The following KLF9 variants were observed in gnomAD, a reference collection of about 807,000 sequenced individuals.
The protein encoded by KLF9 is Krueppel-like factor 9.
KLF9 carries 2 observed loss-of-function variants against 17.3 expected under a neutral mutation model. That is an observed-to-expected ratio of 0.12 (90% CI 0.05 to 0.36). KLF9 has a LOEUF of 0.36. Among genes scored for constraint, KLF9 ranks in the 10% least tolerant of loss-of-function variants. KLF9 has a pLI of 1.00. For missense variants in KLF9, 226 were observed against 333.2 expected (o/e 0.68, Z 2.51); for synonymous variants, 138 against 139.2 (o/e 0.99, Z 0.06).
At chr9:70,399,910 T>C (rs1400071162) in intron 1 of KLF9, among the ~76,000 whole-genome samples, 1 of 152,162 alleles carries the variant, frequency 6.6e-6, no homozygotes, top group East Asian at 1.9e-4. Flanking sequence ...CCTAAGTCCT[T>C]GAGCTTAAAA....
intron 1 of KLF9, among the ~76,000 whole-genome samples, chr9:70,390,524 A>G (rs141178210): frequency 4.1e-4 from 62 of 152,328 alleles, no homozygotes; most frequent in African/African-American, 1.5e-3. Context: ...AAGTCAAAAT[A>G]CAGATTGTTA....
intron 1 of KLF9, among the ~76,000 whole-genome samples, chr9:70,404,152 T>C (rs1447595021): frequency 6.6e-6 from 1 of 152,212 alleles, no homozygotes; most frequent in African/African-American, 2.4e-5. Context: ...TGAGTTTAAA[T>C]GTGACAATGC....
chr9:70,395,754 G>C (rs949471337), intron 1 of KLF9, among the ~76,000 whole-genome samples: 2 of 151,976 alleles, frequency 1.3e-5, no homozygotes, highest in African/African-American at 4.8e-5. Context: ...GACCAGCCTG[G>C]GTAACATGGC....
chr9:70,410,527 G>A (rs2037304153), intron 1 of KLF9, among the ~76,000 whole-genome samples: 1 of 152,254 alleles, frequency 6.6e-6, no homozygotes, highest in South Asian at 2.1e-4. Context: ...TAAAGCTGGT[G>A]TAGAAGTGGT....
rs1219040767 is a variant in KLF9 at position 70,413,400 on chromosome 9, C to T, written c.-37G>A. 2 of 1,457,774 alleles carry T rather than the reference C, an allele frequency of 1.4e-6. No individual in the cohort carries two copies. The highest frequency in any genetic ancestry group is 2.5e-5 in the Admixed American group (1 of 40,218). 90.3% of individuals were successfully genotyped at this position (1,457,774 alleles called of 1,614,324 possible). On this transcript the variant is annotated 5_prime_UTR_variant, in exon 1 of 2. Coordinates refer to ENST00000377126, the MANE Select transcript of KLF9 (RefSeq NM_001206.4). This position sits in a 1 kb window ranked among gnomAD's most constrained non-coding sequence, Gnocchi z 5.6. ...CGGCAGCCCAGGCGGCGCGGACAAA[C>T]TTGGCGGTGGCTGCGGAGGTTCGGC...
chr9:70,403,443 T>A (rs1220611457), intron 1 of KLF9, among the ~76,000 whole-genome samples: 1 of 152,074 alleles, frequency 6.6e-6, no homozygotes, highest in Non-Finnish European at 1.5e-5. Context: ...TTTGCTGGAA[T>A]CTTTGGGAAT....
At chr9:70,404,472 G>C (rs946772436) in intron 1 of KLF9, among the ~76,000 whole-genome samples, 4 of 152,064 alleles carry the variant, frequency 2.6e-5, no homozygotes, top group African/African-American at 9.7e-5. Flanking sequence ...CAGTTACTTG[G>C]GAGGCTGAGG....
rs1564089120 is a variant in KLF9, at chr9:70,409,029, T to TATATATGTGTATATATATATAC, written c.505+3808_505+3829dup. On this transcript the variant is annotated intron_variant, in intron 1 of 1. Transcript: ENST00000377126. ...ATATATATACACATATATGTATATA[T>TATATATGTGTATATATATATAC]ATATATGTGTATATATATATACATA... 1.1e-4 allele frequency among the ~76,000 whole-genome samples: 14 copies of TATATATGTGTATATATATATAC among 133,014 alleles called. 1 individual carries two copies. The highest frequency in any genetic ancestry group is 6.8e-4 in the South Asian group (3 of 4,382). The allele number at this position is 133,014 out of a possible 152,430, so 87.3% of individuals were successfully genotyped here.
rs569745100 is a variant in KLF9, at chr9:70,386,589, G to A, written c.*1187C>T. 62 of 152,708 alleles carry A rather than the reference G, an allele frequency of 4.1e-4. No homozygotes were observed. The highest frequency in any genetic ancestry group is 6.6e-4 in the Non-Finnish European group (45 of 68,020). The allele number at this position is 152,708 out of a possible 1,614,324, so 9.5% of individuals were successfully genotyped here. The stretch of plus-strand genomic sequence containing the variant: ...TGGGAGTTTTGTAGGAACACAGGAA[G>A]GAGACCAACAAACCTTTTTCCCCAA... On this transcript the variant is annotated 3_prime_UTR_variant, in exon 2 of 2. Coordinates refer to ENST00000377126, the MANE Select transcript of KLF9 (RefSeq NM_001206.4).
chr9:70,401,458 G>A (rs571541347), intron 1 of KLF9, among the ~76,000 whole-genome samples: 34 of 152,060 alleles, frequency 2.2e-4, no homozygotes, highest in Middle Eastern at 3.4e-3. Context: ...GGCCGAGGCC[G>A]GTGAATCACT....
chr9:70,407,818 T>C (rs932412324), intron 1 of KLF9, among the ~76,000 whole-genome samples: 1 of 152,182 alleles, frequency 6.6e-6, no homozygotes, highest in Admixed American at 6.5e-5. Context: ...ACAAACCCTA[T>C]AGCAAACCCT....
At chr9:70,389,397 G>A (rs1350055520) in intron 1 of KLF9, among the ~76,000 whole-genome samples, 1 of 152,162 alleles carries the variant, frequency 6.6e-6, no homozygotes, top group Non-Finnish European at 1.5e-5. Flanking sequence ...GAGACTTGGA[G>A]GGTTAAACTC....
chr9:70,392,614 T>C (rs934936737), intron 1 of KLF9, among the ~76,000 whole-genome samples: 2 of 152,068 alleles, frequency 1.3e-5, no homozygotes, highest in Admixed American at 6.6e-5. Flanking sequence ...AATGGGGAAG[T>C]CACATGTAGA....
chr9:70,384,646 G>A lies in KLF9; in HGVS notation c.*3130C>T, dbSNP rs963667079. On this transcript the variant is annotated 3_prime_UTR_variant, in exon 2 of 2. Coordinates refer to ENST00000377126, the MANE Select transcript of KLF9 (RefSeq NM_001206.4). Reference sequence around the variant, plus strand: ...TTATTTGGACAACATATATACATATGTACAAAATACCTACTGTCAGAATCC... The same window carrying A: ...TTATTTGGACAACATATATACATATATACAAAATACCTACTGTCAGAATCC... 1.3e-5 allele frequency: 2 copies of A among 152,542 alleles called. No individual in the cohort carries two copies. Among genetic ancestry groups the A allele is most frequent in the African/African-American group, 4.8e-5 (2 of 41,432 alleles). The allele number at this position is 152,542 out of a possible 1,614,324, so 9.4% of individuals were successfully genotyped here.
rs1286132167 is a variant in KLF9, at chr9:70,413,823, C to A, written c.-460G>T. The A allele has an allele frequency of 6.5e-6, 1 of 152,766 alleles. No individual in the cohort carries two copies. 9.5% of individuals were successfully genotyped at this position (152,766 alleles called of 1,614,324 possible). ...GAGCCAAAGCCCCAGGACATTCACC[C>A]GATCACCCCGACGCGGGTGGCGAGG... is the stretch of plus-strand genomic sequence containing the variant. On this transcript the variant is annotated 5_prime_UTR_variant, in exon 1 of 2. Transcript: ENST00000377126. This position sits in a 1 kb window ranked among gnomAD's most constrained non-coding sequence, Gnocchi z 5.6.
At chr9:70,406,728 C>T (rs1423116928) in intron 1 of KLF9, among the ~76,000 whole-genome samples, 1 of 152,060 alleles carries the variant, frequency 6.6e-6, no homozygotes, top group African/African-American at 2.4e-5. Context: ...GTACCAATTA[C>T]TAGGCACTAA....
At chr9:70,388,454 A>G (rs1466213078) in intron 1 of KLF9, among the ~76,000 whole-genome samples, 1 of 152,158 alleles carries the variant, frequency 6.6e-6, no homozygotes, top group Non-Finnish European at 1.5e-5. Context: ...TCAGCCACCC[A>G]GTCTGTGGTT....
intron 1 of KLF9, among the ~76,000 whole-genome samples, chr9:70,394,668 GA>G (rs34620329): frequency 0.33 from 49,671 of 151,938 alleles, 8,256 homozygotes; most frequent in East Asian, 0.5. Flanking sequence ...CTTTCTCTTT[GA>G]AAAAATTCAA....
Position 70,413,510 on chromosome 9 carries a change from C to A in KLF9, c.-147G>T. 1.2e-6 allele frequency: 1 copy of A among 830,268 alleles called. No homozygotes were observed. The highest frequency in any genetic ancestry group is 1.6e-6 in the Non-Finnish European group (1 of 637,126). 51.4% of individuals were successfully genotyped at this position (830,268 alleles called of 1,614,324 possible). On this transcript the variant is annotated 5_prime_UTR_variant, in exon 1 of 2. Transcript: ENST00000377126. The surrounding 1 kb of genome is among the most constrained non-coding windows in gnomAD (Gnocchi z 5.6). ...AGGGGGCGGGGGCGCGGGGCGCTTC[C>A]GACTCGCAGGAGCGCCGAGGCGACC...
Sources: gnomAD v4.1 joint callset for allele counts (sites outside exome capture counted in the v4.1 genomes callset) on GRCh38, gnomAD v4.1.1 for gene constraint, Gnocchi (gnomAD v3.1) non-coding constraint, MANE v1.5 for transcripts, NCBI Gene and HGNC (gene_info 2026-07-23, HGNC 2026-07-21) for gene names.